Variants in MGAT4C observed in about 807,000 individuals in gnomAD.
The protein encoded by MGAT4C is alpha-1,3-mannosyl-glycoprotein 4-beta-N-acetylglucosaminyltransferase C.
In MGAT4C, 19 loss-of-function variants were observed where a neutral mutation model predicts 40.1. That is an observed-to-expected ratio of 0.47 (90% CI 0.33 to 0.70). The LOEUF (loss-of-function observed/expected upper bound fraction) is 0.70, where lower values mean the gene tolerates loss of function less well. Ranked by LOEUF, MGAT4C falls within the 30% of genes least tolerant of loss-of-function variation. The pLI is 0.02. For missense variants in MGAT4C, 491 were observed against 563.2 expected (o/e 0.87, Z 1.30); for synonymous variants, 181 against 187.1 (o/e 0.97, Z 0.27).
At chr12:86,658,648 ACTCT>A (rs995086918) in intron 2 of MGAT4C, among the ~76,000 whole-genome samples, 2 of 151,872 alleles carry the variant, frequency 1.3e-5, no homozygotes, top group Non-Finnish European at 2.9e-5. Flanking sequence ...AGCCTCACAA[ACTCT>A]CTCTTCTACT....
chr12:86,403,914 T>C (rs1055534932), intron 3 of MGAT4C, among the ~76,000 whole-genome samples: 4 of 152,308 alleles, frequency 2.6e-5, no homozygotes, highest in African/African-American at 9.6e-5. Flanking sequence ...GATAATAAAA[T>C]ACTGAAGCAA....
At chr12:86,650,585 G>A (rs948501230) in intron 2 of MGAT4C, among the ~76,000 whole-genome samples, 1 of 151,830 alleles carries the variant, frequency 6.6e-6, no homozygotes, top group Non-Finnish European at 1.5e-5. Context: ...GTTTTAATTT[G>A]ACTTATGATT....
intron 2 of MGAT4C, among the ~76,000 whole-genome samples, chr12:86,439,319 A>T (rs1957188376): frequency 6.6e-6 from 1 of 152,084 alleles, no homozygotes; most frequent in African/African-American, 2.4e-5. Flanking sequence ...TAATTCCCAA[A>T]GGAATCCTCA....
In MGAT4C at chr12:86,720,887, T is replaced by C. The variant is rs552185719; in HGVS notation, c.-229+6322A>G. On this transcript the variant is annotated intron_variant, in intron 2 of 7. Coordinates refer to the MGAT4C transcript ENST00000548651. ...ATCAAAGATACATGGTGGTTGAGAG[T>C]TGGGAAATAATAAACCATAATATTT... 7.2e-4 allele frequency among the ~76,000 whole-genome samples: 110 copies of C among 151,930 alleles called. 1 individual carries two copies. Among genetic ancestry groups the C allele is most frequent in the Non-Finnish European group, 1.2e-3 (84 of 67,934 alleles).
intron 1 of MGAT4C, among the ~76,000 whole-genome samples, chr12:86,751,454 T>C (rs1951230497): frequency 6.6e-6 from 1 of 151,756 alleles, no homozygotes; most frequent in African/African-American, 2.4e-5. Flanking sequence ...TCAAAGAAGA[T>C]TAAGAACAAG....
At chr12:86,623,566 A>AT (rs1593053599) in intron 2 of MGAT4C, among the ~76,000 whole-genome samples, 1 of 152,284 alleles carries the variant, frequency 6.6e-6, no homozygotes, top group African/African-American at 2.4e-5. Flanking sequence ...ACTAGTATTA[A>AT]TTTTTTTAAG....
At chr12:86,482,136 T>A (rs1957949116) in intron 2 of MGAT4C, among the ~76,000 whole-genome samples, 1 of 147,470 alleles carries the variant, frequency 6.8e-6, no homozygotes, top group Admixed American at 6.8e-5. Flanking sequence ...CAGAATAAAT[T>A]GATATAAGTT....
intron 1 of MGAT4C, among the ~76,000 whole-genome samples, chr12:86,241,151 T>C (rs1183135442): frequency 6.6e-6 from 1 of 152,228 alleles, no homozygotes; most frequent in Non-Finnish European, 1.5e-5. Flanking sequence ...TCACTGATAA[T>C]GTTAATTTAA....
At chr12:86,835,610 G>A (rs765239200) in intron 1 of MGAT4C, among the ~76,000 whole-genome samples, 1 of 151,874 alleles carries the variant, frequency 6.6e-6, no homozygotes, top group Non-Finnish European at 1.5e-5. Flanking sequence ...TGTAAAAGTG[G>A]GAAATGAGGA....
chr12:86,732,403 G>T (rs1950925560), intron 1 of MGAT4C, among the ~76,000 whole-genome samples: 3 of 152,060 alleles, frequency 2.0e-5, no homozygotes, highest in African/African-American at 7.2e-5. Context: ...TTATTACATT[G>T]TAATACATAA....
intron 2 of MGAT4C, among the ~76,000 whole-genome samples, chr12:86,611,045 G>A (rs1354101323): frequency 2.0e-5 from 3 of 151,982 alleles, no homozygotes; most frequent in Admixed American, 6.6e-5. Context: ...CAACCAGAAG[G>A]TGTATAGTCT....
rs1191769737 is a variant in MGAT4C at position 85,966,260 on chromosome 12, A to G, written c.*13029T>C. ...TTTGGCCACAGTTTCTTACTTTCTC[A>G]TATTTTGCTAAGCTTGTGGATGAAG... On this transcript the variant is annotated 3_prime_UTR_variant, in exon 5 of 5. Coordinates refer to ENST00000611864, the MANE Select transcript of MGAT4C (RefSeq NM_001351288.2). 6.6e-6 allele frequency: 1 copy of G among 151,568 alleles called. No individual in the cohort carries two copies. Among genetic ancestry groups the G allele is most frequent in the Admixed American group, 6.6e-5 (1 of 15,226 alleles). The allele number at this position is 151,568 out of a possible 1,614,324, so 9.4% of individuals were successfully genotyped here. A position where few individuals can be genotyped will look rare whatever the true frequency, so the allele number is the denominator to read the frequency against.
rs573165878 is a variant in MGAT4C, at chr12:86,455,475, T to A, written c.-228-20210A>T. Among the ~76,000 whole-genome samples, 17 of 152,252 alleles carry A rather than the reference T, an allele frequency of 1.1e-4. No individual in the cohort carries two copies. The South Asian group carries it at 3.5e-3, about 32-fold the overall frequency. On this transcript the variant is annotated intron_variant, in intron 2 of 7. Coordinates refer to the MGAT4C transcript ENST00000548651. ...TATAGAAAAGTGGTGCTTTTTAAACTTCTATTTCTGAAAATACAGAAATTA... is the reference window on the plus strand; with the variant it reads ...TATAGAAAAGTGGTGCTTTTTAAACATCTATTTCTGAAAATACAGAAATTA...
intron 2 of MGAT4C, among the ~76,000 whole-genome samples, chr12:86,704,444 C>T (rs1950421587): frequency 6.6e-6 from 1 of 151,904 alleles, no homozygotes; most frequent in East Asian, 1.9e-4. Flanking sequence ...CTATAATTAA[C>T]TTTCAAGTTA....
At chr12:86,476,629 T>C (rs941173958) in intron 2 of MGAT4C, among the ~76,000 whole-genome samples, 1 of 152,124 alleles carries the variant, frequency 6.6e-6, no homozygotes, top group Non-Finnish European at 1.5e-5. Flanking sequence ...CATGTATTTG[T>C]ATGTTAATTG....
At chr12:86,215,759 C>T (rs188863080) in intron 1 of MGAT4C, among the ~76,000 whole-genome samples, 23 of 152,060 alleles carry the variant, frequency 1.5e-4, no homozygotes, top group Non-Finnish European at 2.9e-4. Context: ...TTTCTTTTAA[C>T]AGTTTTGTGT....
At chr12:85,981,410 T>G (rs1027375308) in intron 4 of MGAT4C, among the ~76,000 whole-genome samples, 6 of 152,180 alleles carry the variant, frequency 3.9e-5, no homozygotes, top group Admixed American at 3.9e-4. Context: ...ATATAGCACC[T>G]GTATAATGCG....
chr12:86,204,355 A>G (rs573754627), intron 1 of MGAT4C, among the ~76,000 whole-genome samples: 18 of 152,288 alleles, frequency 1.2e-4, no homozygotes, highest in African/African-American at 4.3e-4. Context: ...TTGGAGTTCA[A>G]GAGTTCAAGA....
rs115433103 is a variant in MGAT4C at position 86,783,360 on chromosome 12, A to C, written c.-262+55306T>G. On this transcript the variant is annotated intron_variant, in intron 1 of 7. Coordinates refer to the MGAT4C transcript ENST00000548651. ...TTTACACAGTTTGATGTAATTAAAAAGTTATTTCACATGCATCATTTCAAT... is the reference window on the plus strand; with the variant it reads ...TTTACACAGTTTGATGTAATTAAAACGTTATTTCACATGCATCATTTCAAT... 2.8e-3 allele frequency among the ~76,000 whole-genome samples: 423 copies of C among 152,322 alleles called. 3 individuals carry two copies. The highest frequency in any genetic ancestry group is 9.9e-3 in the African/African-American group (412 of 41,582).
Sources: gnomAD v4.1 joint callset for allele counts (sites outside exome capture counted in the v4.1 genomes callset) on GRCh38, gnomAD v4.1.1 for gene constraint, MANE v1.5 for transcripts, NCBI Gene and HGNC (gene_info 2026-07-23, HGNC 2026-07-21) for gene names.